FHOD3: variants seen among roughly 807,000 people sequenced by gnomAD.
FHOD3 encodes the protein formin homology 2 domain containing 3, also known as FH1/FH2 domain-containing protein 3.
A neutral mutation model predicts 173.0 loss-of-function variants in FHOD3; 90 were observed. The observed-to-expected ratio is 0.52, with a 90% CI of 0.44 to 0.62. The LOEUF is 0.62. FHOD3 is among the 20% of genes least tolerant of loss of function. The pLI is 0.00. For missense variants in FHOD3, 1,945 were observed against 2,034.7 expected, an observed-to-expected ratio of 0.96 and a Z score of 0.85; for synonymous variants, 828 against 823.0, an observed-to-expected ratio of 1.01 and a Z score of -0.10.
chr18:36,682,821 C>T lies in FHOD3; in HGVS notation c.1970+1251C>T, dbSNP rs148316538. 4.2e-3 allele frequency among the ~76,000 whole-genome samples: 638 copies of T among 152,278 alleles called. 8 individuals are homozygous for T. The highest frequency in any genetic ancestry group is 0.015 in the African/African-American group (603 of 41,542). ...GTTGAACTCCTGACCTCAAGTGATC[C>T]ACCTGCCTCAGCCTCCCAAAGTGCT... On this transcript the variant is annotated intron_variant, in intron 15 of 28. Transcript: ENST00000590592.
intron 14 of FHOD3, among the ~76,000 whole-genome samples, chr18:36,660,231 T>C (rs996489909): frequency 4.6e-5 from 7 of 152,106 alleles, no homozygotes; most frequent in African/African-American, 1.7e-4. Context: ...ATTGTGCCAT[T>C]GCACTCCAGC....
intron 5 of FHOD3, among the ~76,000 whole-genome samples, chr18:36,558,778 TA>T (rs1293860313): frequency 9.8e-5 from 15 of 152,324 alleles, no homozygotes; most frequent in African/African-American, 3.4e-4. Flanking sequence ...CTAAATGTAT[TA>T]AAAATATGTT....
At chr18:36,375,591 G>A (rs1461526112) in intron 3 of FHOD3, among the ~76,000 whole-genome samples, 1 of 152,236 alleles carries the variant, frequency 6.6e-6, no homozygotes, top group East Asian at 1.9e-4. Context: ...ATGAGTTGGA[G>A]GTGAGGTGCT....
At chr18:36,534,976 T>C (rs1004405302) in intron 5 of FHOD3, among the ~76,000 whole-genome samples, 3 of 152,218 alleles carry the variant, frequency 2.0e-5, no homozygotes. Context: ...GCCACTTTGA[T>C]GTCTTTATAA....
chr18:36,371,484 T>C (rs535888496), intron 2 of FHOD3, among the ~76,000 whole-genome samples: 3 of 152,284 alleles, frequency 2.0e-5, no homozygotes, highest in South Asian at 4.1e-4. Context: ...ATGAGACTTA[T>C]TCACTATCAC....
At chr18:36,424,910 C>T (rs114034871) in intron 3 of FHOD3, among the ~76,000 whole-genome samples, 2,936 of 152,284 alleles carry the variant, frequency 0.019, 90 homozygotes, top group African/African-American at 0.067. Flanking sequence ...TCTCAGTTAT[C>T]ACATCGGAGC....
At position 36,376,265 on chromosome 18, in the gene FHOD3, A is replaced by G. The variant is rs182056242; in HGVS notation, c.337+3521A>G. ...TAAAGTTAATATGTGAGTGTTTTTT[A>G]CTGGCTGGCTTTGAAGGCATTTTGT... On this transcript the variant is annotated intron_variant, in intron 3 of 28. Coordinates refer to ENST00000590592, the MANE Select transcript of FHOD3 (RefSeq NM_001281740.3). 3.3e-5 allele frequency among the ~76,000 whole-genome samples: 5 copies of G among 152,286 alleles called. No individual in the cohort carries two copies. The East Asian group carries it at 9.7e-4, about 29-fold the overall frequency.
At chr18:36,406,542 AC>A (rs1396440396) in intron 3 of FHOD3, among the ~76,000 whole-genome samples, 2 of 152,056 alleles carry the variant, frequency 1.3e-5, no homozygotes, top group Non-Finnish European at 2.9e-5. Flanking sequence ...TGACATTTAA[AC>A]GGGGTGTGTT....
chr18:36,346,189 G>A (rs961397295), intron 1 of FHOD3, among the ~76,000 whole-genome samples: 1 of 152,094 alleles, frequency 6.6e-6, no homozygotes, highest in Non-Finnish European at 1.5e-5. Flanking sequence ...AACATGGCGA[G>A]GCCTTGTTTT....
intron 5 of FHOD3, among the ~76,000 whole-genome samples, chr18:36,534,049 G>A (rs1204584135): frequency 2.0e-5 from 3 of 152,136 alleles, no homozygotes; most frequent in African/African-American, 7.2e-5. Flanking sequence ...CATCCTGTTT[G>A]TGGACACTTC....
intron 21 of FHOD3, 63 bp from the exon 22 acceptor site, chr18:36,742,674 C>T: frequency 1.9e-6 from 3 of 1,552,216 alleles, no homozygotes; most frequent in Non-Finnish European, 2.6e-6. Flanking sequence ...TACAAAAAGT[C>T]AGAAGAACAA....
chr18:36,682,781 T>C (rs2038340686), intron 15 of FHOD3, among the ~76,000 whole-genome samples: 2 of 152,106 alleles, frequency 1.3e-5, no homozygotes, highest in African/African-American at 4.8e-5. Context: ...GGGGTTTTAC[T>C]GTGTTGGCCA....
chr18:36,568,297 C>T (rs1038983209), intron 5 of FHOD3, among the ~76,000 whole-genome samples: 1 of 117,810 alleles, frequency 8.5e-6, no homozygotes, highest in Non-Finnish European at 1.6e-5. Flanking sequence ...GAGATGGCAC[C>T]AGCCTGGGCG....
chr18:36,638,888 A>C (rs1178585877), intron 10 of FHOD3, among the ~76,000 whole-genome samples: 3 of 152,130 alleles, frequency 2.0e-5, no homozygotes, highest in Non-Finnish European at 4.4e-5. Flanking sequence ...GTCTCTTCCC[A>C]TAAGTGAAAA....
intron 1 of FHOD3, among the ~76,000 whole-genome samples, chr18:36,325,841 A>G (rs531123307): frequency 3.6e-4 from 55 of 152,348 alleles, no homozygotes; most frequent in African/African-American, 1.2e-3. Flanking sequence ...AAATGCTAAG[A>G]CTTCAGAATG....
At chr18:36,546,232 A>G (rs1455750457) in intron 5 of FHOD3, among the ~76,000 whole-genome samples, 15 of 152,178 alleles carry the variant, frequency 9.9e-5, no homozygotes. Flanking sequence ...TGCTACTACA[A>G]ATAGGGACTG....
intron 2 of FHOD3, among the ~76,000 whole-genome samples, chr18:36,367,921 C>T (rs1010208751): frequency 7.9e-5 from 12 of 152,048 alleles, no homozygotes; most frequent in Admixed American, 5.2e-4. Flanking sequence ...CCCTCCCCAC[C>T]GCTTTCTCCC....
intron 2 of FHOD3, among the ~76,000 whole-genome samples, chr18:36,358,953 C>T (rs1189216335): frequency 6.6e-6 from 1 of 152,150 alleles, no homozygotes; most frequent in African/African-American, 2.4e-5. Flanking sequence ...CCCCAAATCA[C>T]CCTAGAGTGA....
At chr18:36,639,282 C>T (rs572729641) in intron 10 of FHOD3, among the ~76,000 whole-genome samples, 1 of 152,314 alleles carries the variant, frequency 6.6e-6, no homozygotes, top group African/African-American at 2.4e-5. Flanking sequence ...TGGCTCACGC[C>T]TGTAATCCCA....
Sources: allele counts gnomAD v4.1 joint callset (sites outside exome capture counted in the v4.1 genomes callset), GRCh38; gene constraint gnomAD v4.1.1; transcripts MANE v1.5; gene names NCBI Gene and HGNC (gene_info 2026-07-23, HGNC 2026-07-21).